GNA14: variants seen among roughly 807,000 people sequenced by gnomAD.
The protein encoded by GNA14 is guanine nucleotide-binding protein subunit alpha-14.
In GNA14, 50 loss-of-function variants were observed where a neutral mutation model predicts 42.0. The observed-to-expected ratio is 1.19, with a 90% CI of 0.95 to 1.51. The LOEUF (loss-of-function observed/expected upper bound fraction) is 1.51. GNA14 is among the 40% of genes most tolerant of loss of function. The probability of loss-of-function intolerance (pLI) is 0.00; values close to 1 mark genes in which losing one functional copy is unlikely to be tolerated. For missense variants in GNA14, 473 were observed against 446.2 expected, an observed-to-expected ratio of 1.06 and a Z score of -0.54; for synonymous variants, 173 against 163.1, an observed-to-expected ratio of 1.06 and a Z score of -0.46.
intron 6 of GNA14, 63 bp from the exon 7 acceptor site, chr9:77,424,232 C>CTT: frequency 2.5e-6 from 3 of 1,196,042 alleles, no homozygotes; most frequent in Admixed American, 4.3e-5. Flanking sequence ...TCCCAAGAAC[C>CTT]TTTTTTTTGA....
chr9:77,647,725 T>C lies in GNA14; in HGVS notation c.69A>G (p.Arg23=), dbSNP rs2118053128. 1 of 1,609,984 alleles carries C rather than the reference T, an allele frequency of 6.2e-7. No homozygotes were observed. Among genetic ancestry groups the C allele is most frequent in the Non-Finnish European group, 8.5e-7 (1 of 1,178,564 alleles). ...ESQRISAEIE[R]QLRRDKKDAR... is the part of the protein sequence containing the mutation. ...CGTCCTTCTTGTCCCGACGAAGCTG[T>C]CGCTCGATCTCCGCGCTGATGCGCT... The change falls in exon 1 of 7, where the codon CGA becomes CGG. Residue 23 remains arginine, a synonymous_variant. Transcript: ENST00000341700.
In GNA14 at chr9:77,553,681, C is replaced by CAAATA. The variant is rs1837812220; in HGVS notation, c.125-24429_125-24428insTATTT. ...CATATGAGAAAACAGACACCCATTC[C>CAAATA]CACTTATTTGTGTGCACAGCAAGAT... On this transcript the variant is annotated intron_variant, in intron 1 of 6. Transcript: ENST00000341700. Among the ~76,000 whole-genome samples the CAAATA allele has an allele frequency of 2.0e-5, 3 of 152,070 alleles. No individual in the cohort carries two copies. In the East Asian group the frequency reaches 5.9e-4, roughly 30 times the overall value.
intron 1 of GNA14, among the ~76,000 whole-genome samples, chr9:77,645,509 G>A (rs940769010): frequency 6.6e-6 from 1 of 152,172 alleles, no homozygotes; most frequent in African/African-American, 2.4e-5. Flanking sequence ...TTTTCACTAA[G>A]GGGATATGCT....
intron 1 of GNA14, among the ~76,000 whole-genome samples, chr9:77,618,475 G>C (rs2117963723): frequency 6.6e-6 from 1 of 150,606 alleles, no homozygotes; most frequent in East Asian, 1.9e-4. Context: ...ATGGTACCCA[G>C]TAGTTACGTG....
At chr9:77,510,815 T>G (rs11145450) in intron 2 of GNA14, among the ~76,000 whole-genome samples, 32,392 of 151,936 alleles carry the variant, frequency 0.21, 3,654 homozygotes, top group East Asian at 0.43. Flanking sequence ...GGGAGTTAGG[T>G]TGGAAAGTTT....
At chr9:77,516,070 G>C (rs1018664523) in intron 2 of GNA14, among the ~76,000 whole-genome samples, 4 of 149,000 alleles carry the variant, frequency 2.7e-5, no homozygotes, top group Admixed American at 2.0e-4. Context: ...TACATGACCC[G>C]CAAGCAGAGA....
At chr9:77,623,017 C>A (rs1371521512) in intron 1 of GNA14, among the ~76,000 whole-genome samples, 2 of 150,432 alleles carry the variant, frequency 1.3e-5, no homozygotes, top group South Asian at 2.1e-4. Flanking sequence ...TAGTTTAAGA[C>A]CAGCCTGGCC....
At chr9:77,471,755 G>A (rs1836333467) in intron 2 of GNA14, among the ~76,000 whole-genome samples, 1 of 152,144 alleles carries the variant, frequency 6.6e-6, no homozygotes, top group African/African-American at 2.4e-5. Flanking sequence ...CAGGAGTCAG[G>A]ATGAACTATC....
intron 2 of GNA14, among the ~76,000 whole-genome samples, chr9:77,500,353 C>G (rs779683521): frequency 1.3e-5 from 2 of 152,056 alleles, no homozygotes; most frequent in Non-Finnish European, 2.9e-5. Flanking sequence ...CTTACCTAGG[C>G]AAAGAATATA....
At chr9:77,463,611 T>C (rs1299048321) in intron 2 of GNA14, among the ~76,000 whole-genome samples, 1 of 152,236 alleles carries the variant, frequency 6.6e-6, no homozygotes, top group African/African-American at 2.4e-5. Flanking sequence ...AGTGTTTTTG[T>C]TTCTTCAGCA....
At chr9:77,530,404 G>A (rs929629143) in intron 1 of GNA14, among the ~76,000 whole-genome samples, 6 of 152,100 alleles carry the variant, frequency 3.9e-5, no homozygotes, top group Admixed American at 1.3e-4. Flanking sequence ...CCCAGAAGCC[G>A]AGCAGATGTC....
intron 2 of GNA14, among the ~76,000 whole-genome samples, chr9:77,520,087 C>T (rs1156432943): frequency 6.6e-6 from 1 of 152,114 alleles, no homozygotes. Flanking sequence ...TGCATTTTCA[C>T]CCCTTAAATT....
At chr9:77,564,310 A>AAC (rs948998815) in intron 1 of GNA14, among the ~76,000 whole-genome samples, 3 of 150,510 alleles carry the variant, frequency 2.0e-5, no homozygotes, top group Admixed American at 1.3e-4. Flanking sequence ...AAAAAAAAAA[A>AAC]AAAACTTATT....
chr9:77,540,658 T>G (rs1244841171), intron 1 of GNA14, among the ~76,000 whole-genome samples: 1 of 152,162 alleles, frequency 6.6e-6, no homozygotes, highest in Non-Finnish European at 1.5e-5. Context: ...GCTCCAGTTT[T>G]GGGAGCATAT....
intron 1 of GNA14, among the ~76,000 whole-genome samples, chr9:77,635,576 GA>G (rs1157195576): frequency 4.6e-5 from 7 of 152,158 alleles, no homozygotes. Flanking sequence ...AAAAAAGAGA[GA>G]AAAGTAAATT....
chr9:77,639,162 G>C (rs1386282390), intron 1 of GNA14, among the ~76,000 whole-genome samples: 4 of 152,120 alleles, frequency 2.6e-5, no homozygotes, highest in Admixed American at 6.5e-5. Flanking sequence ...CCCAGCATCT[G>C]AGCACTTACC....
intron 1 of GNA14, among the ~76,000 whole-genome samples, chr9:77,615,702 TACACAC>T (rs59087574): frequency 0.095 from 12,726 of 134,210 alleles, 598 homozygotes; most frequent in Middle Eastern, 0.16. Flanking sequence ...GAAAATGAAA[TACACAC>T]ACACACACAC....
At chr9:77,536,242 T>C (rs1193527741) in intron 1 of GNA14, among the ~76,000 whole-genome samples, 10 of 151,838 alleles carry the variant, frequency 6.6e-5, no homozygotes, top group Admixed American at 6.6e-4. Flanking sequence ...AAAAGGAGAG[T>C]TGAAAGAAAC....
chr9:77,436,190 T>C (rs1835636626), intron 2 of GNA14, among the ~76,000 whole-genome samples: 1 of 152,142 alleles, frequency 6.6e-6, no homozygotes, highest in Non-Finnish European at 1.5e-5. Flanking sequence ...CTGGAGACTG[T>C]AGGACCTTCA....
Sources: gnomAD v4.1 joint callset for allele counts (sites outside exome capture counted in the v4.1 genomes callset) on GRCh38, gnomAD v4.1.1 for gene constraint, MANE v1.5 for transcripts, NCBI Gene and HGNC (gene_info 2026-07-23, HGNC 2026-07-21) for gene names.